PARP16: variants seen among roughly 807,000 people sequenced by gnomAD.
The protein encoded by PARP16 is poly(ADP-ribose) polymerase family member 16, also known as protein mono-ADP-ribosyltransferase PARP16.
A neutral mutation model predicts 35.0 loss-of-function variants in PARP16; 31 were observed. The ratio of observed to expected loss-of-function variants is 0.88; its 90% confidence interval spans 0.66 to 1.19. PARP16 has a LOEUF of 1.19. Among genes scored for constraint, PARP16 ranks in the 50% most tolerant of loss-of-function variants. The probability of loss-of-function intolerance (pLI) is 0.00; values close to 1 mark genes in which losing one functional copy is unlikely to be tolerated. For missense variants in PARP16, 424 were observed against 411.2 expected, an observed-to-expected ratio of 1.03 and a Z score of -0.27; for synonymous variants, 162 against 169.5, an observed-to-expected ratio of 0.96 and a Z score of 0.34.
chr15:65,264,265 G>T (rs2089824603), intron 3 of PARP16, among the ~76,000 whole-genome samples: 1 of 152,126 alleles, frequency 6.6e-6, no homozygotes, highest in Non-Finnish European at 1.5e-5. Flanking sequence ...AACCACAATT[G>T]CCAGCACAGT....
At chr15:65,233,264 A>G (rs1008467045), downstream of PARP16, among the ~76,000 whole-genome samples, 9 of 152,012 alleles carry the variant, frequency 5.9e-5, no homozygotes, top group Non-Finnish European at 1.2e-4. Context: ...ATACAAAAAA[A>G]TTAGCCGGGC....
Position 65,286,498 on chromosome 15 carries a change from G to C in PARP16, c.-72C>G, listed in dbSNP as rs1014010742. 2 of 1,223,682 alleles carry C rather than the reference G, an allele frequency of 1.6e-6. No homozygotes were observed. Among genetic ancestry groups the C allele is most frequent in the Non-Finnish European group, 1.1e-6 (1 of 930,736 alleles). 75.8% of individuals were successfully genotyped at this position (1,223,682 alleles called of 1,614,324 possible). A position where few individuals can be genotyped will look rare whatever the true frequency, so the allele number is the denominator to read the frequency against. On this transcript the variant is annotated 5_prime_UTR_variant, in exon 1 of 6. Transcript: ENST00000649807. ...AGGGCGAGCGTGCGTTCAGCGCGGG[G>C]GCTGGGCCCGCGGACAATGGGCCGT... is the stretch of plus-strand genomic sequence containing the variant.
intron 3 of PARP16, among the ~76,000 whole-genome samples, chr15:65,239,805 T>C (rs2089000507): frequency 6.7e-6 from 1 of 148,398 alleles, no homozygotes. Flanking sequence ...TACAGGCACC[T>C]TCCACCACGC....
chr15:65,244,208 T>C (rs762525354), intron 3 of PARP16, among the ~76,000 whole-genome samples: 2 of 152,236 alleles, frequency 1.3e-5, no homozygotes, highest in Non-Finnish European at 2.9e-5. Flanking sequence ...GCCTGCTGGA[T>C]ACTATCTCCC....
At position 65,261,034 on chromosome 15, in the gene PARP16, A is replaced by G; in HGVS notation, c.692-8T>C. On this transcript the variant is annotated splice_polypyrimidine_tract_variant and splice_region_variant and intron_variant, in intron 4 of 5. Coordinates refer to ENST00000649807, the MANE Select transcript of PARP16 (RefSeq NM_001316943.2). Reference sequence around the variant, plus strand: ...GATCTATCTCCTTGGAATCTGAATAAGGAGAGTAAAACACATCTTCACTGG... The same window carrying G: ...GATCTATCTCCTTGGAATCTGAATAGGGAGAGTAAAACACATCTTCACTGG... The G allele has an allele frequency of 6.2e-7, 1 of 1,612,776 alleles. No homozygotes were observed. The highest frequency in any genetic ancestry group is 8.5e-7 in the Non-Finnish European group (1 of 1,179,134).
At chr15:65,244,763 A>C (rs2089164384) in intron 3 of PARP16, among the ~76,000 whole-genome samples, 1 of 152,254 alleles carries the variant, frequency 6.6e-6, no homozygotes, top group Non-Finnish European at 1.5e-5. Flanking sequence ...TATTTGTTGA[A>C]TATGTAGACT....
chr15:65,260,968 G>T lies in PARP16; in HGVS notation c.750C>A (p.Ile250=), dbSNP rs755645080. ...TGGTGACCACGAAGTACTTGGGAGG[G>T]ATGTCTCCCCCTTCACTATGTTTGA... The part of the protein sequence containing the change: ...ARIKHSEGGD[I]PPKYFVVTNN... The change falls in exon 5 of 6, where the codon ATC becomes ATA. Residue 250 remains isoleucine (I), a synonymous_variant. Coordinates refer to ENST00000649807, the MANE Select transcript of PARP16 (RefSeq NM_001316943.2). 8 of 1,611,412 alleles carry T rather than the reference G, an allele frequency of 5.0e-6. No individual in the cohort carries two copies. Among genetic ancestry groups the T allele is most frequent in the Admixed American group, 3.3e-5 (2 of 60,008 alleles).
At chr15:65,269,204 C>CTTTTTT (rs894925251) in intron 2 of PARP16, among the ~76,000 whole-genome samples, 1 of 103,486 alleles carries the variant, frequency 9.7e-6, no homozygotes, top group African/African-American at 3.1e-5. Flanking sequence ...TTCTTTCTTT[C>CTTTTTT]TTTTTTTTTT....
intron 3 of PARP16, among the ~76,000 whole-genome samples, chr15:65,246,323 C>T (rs1055896640): frequency 6.6e-6 from 1 of 152,222 alleles, no homozygotes; most frequent in Non-Finnish European, 1.5e-5. Context: ...GGACCGCCCC[C>T]AACTCTCCTT....
chr15:65,232,289 A>G (rs145034606), downstream of PARP16, among the ~76,000 whole-genome samples: 5 of 152,272 alleles, frequency 3.3e-5, no homozygotes, highest in East Asian at 9.7e-4. Flanking sequence ...TCCCACCTTA[A>G]AGGAGCCCTG....
downstream of PARP16, among the ~76,000 whole-genome samples, chr15:65,232,407 G>A (rs1567004249): frequency 6.6e-6 from 1 of 152,086 alleles, no homozygotes; most frequent in Non-Finnish European, 1.5e-5. Flanking sequence ...TCTATGGTGG[G>A]AACATTTACC....
At chr15:65,271,689 ATATTAACATGCCATGAGTATGGC>A (rs1439222815) in intron 1 of PARP16, among the ~76,000 whole-genome samples, 1 of 152,196 alleles carries the variant, frequency 6.6e-6, no homozygotes, top group Non-Finnish European at 1.5e-5. Flanking sequence ...TGCTGCAGGA[ATATTAACATGCCATGAGTATGGC>A]ATGCCACCCA....
At chr15:65,279,965 C>T (rs1330717451) in intron 1 of PARP16, among the ~76,000 whole-genome samples, 1 of 151,668 alleles carries the variant, frequency 6.6e-6, no homozygotes, top group Non-Finnish European at 1.5e-5. Context: ...CTTTCCAAAC[C>T]GGGCTCAATG....
At position 65,258,560 on chromosome 15, in the gene PARP16, C is replaced by G. The variant is rs2089587228; in HGVS notation, c.*847G>C. 3 of 152,488 alleles carry G rather than the reference C, an allele frequency of 2.0e-5. No homozygotes were observed. The highest frequency in any genetic ancestry group is 1.3e-4 in the Admixed American group (2 of 15,278). The allele number at this position is 152,488 out of a possible 1,614,324, so 9.4% of individuals were successfully genotyped here. ...AGCTCAAATCCCTTTCTCTAAAACA[C>G]AGCCAGAAAAGAGGCTGTGGACACT... On this transcript the variant is annotated 3_prime_UTR_variant, in exon 6 of 6. Transcript: ENST00000649807.
chr15:65,261,136 G>A, intron 4 of PARP16, 110 bp from the exon 5 acceptor site: 1 of 983,704 alleles, frequency 1.0e-6, no homozygotes, highest in Non-Finnish European at 1.5e-6. Flanking sequence ...AGAAGGCCTG[G>A]CAGGCTGAGG....
chr15:65,237,434 T>G (rs2088914820), intron 3 of PARP16, among the ~76,000 whole-genome samples: 1 of 152,112 alleles, frequency 6.6e-6, no homozygotes, highest in African/African-American at 2.4e-5. Flanking sequence ...TCTTCATGGA[T>G]GTAATTAATT....
chr15:65,254,064 C>T (rs1469969284), downstream of PARP16, among the ~76,000 whole-genome samples: 5 of 152,210 alleles, frequency 3.3e-5, no homozygotes, highest in Admixed American at 6.5e-5. Flanking sequence ...GTGATCTGCC[C>T]GCCTCAGCCT....
chr15:65,267,350 G>GT (rs1199390320), intron 2 of PARP16, among the ~76,000 whole-genome samples: 2 of 152,052 alleles, frequency 1.3e-5, no homozygotes, highest in African/African-American at 2.4e-5. Context: ...GCTCACACCT[G>GT]TAATCCCAGC....
chr15:65,274,959 T>C (rs1019196680), intron 1 of PARP16, among the ~76,000 whole-genome samples: 4 of 151,874 alleles, frequency 2.6e-5, no homozygotes, highest in African/African-American at 9.7e-5. Context: ...CTACTAAAAA[T>C]ATAAAAGTTA....
Sources: allele counts gnomAD v4.1 joint callset (sites outside exome capture counted in the v4.1 genomes callset), GRCh38; gene constraint gnomAD v4.1.1; transcripts MANE v1.5; gene names NCBI Gene and HGNC (gene_info 2026-07-23, HGNC 2026-07-21).